GON4L: variants seen among roughly 807,000 people sequenced by gnomAD.
GON4L encodes GON-4-like protein.
Under a neutral mutation model 211.8 loss-of-function variants are expected in GON4L, and 87 were observed. The observed-to-expected ratio is 0.41, with a 90% CI of 0.35 to 0.49. GON4L has a LOEUF of 0.49. GON4L is among the 20% of genes least tolerant of loss of function. GON4L has a pLI of 0.15. For synonymous variants in GON4L, 875 were observed against 962.6 expected, an observed-to-expected ratio of 0.91 and a Z score of 1.68; for missense variants, 2,155 against 2,659.5, an observed-to-expected ratio of 0.81 and a Z score of 4.17.
chr1:155,756,903 T>G, intron 27 of GON4L, 55 bp downstream of exon 27: 1 of 1,384,246 alleles, frequency 7.2e-7, no homozygotes. Flanking sequence ...CACTCTAGTT[T>G]GGGTGACAGA....
rs552212271 is a variant in GON4L at position 155,750,800 on chromosome 1, G to C, written c.6577-67C>G. The stretch of plus-strand genomic sequence containing the variant: ...TGTTTTTGAGACGGAGTCTCTCTCT[G>C]TTGCTGAGACTGGAGTGCAGTGGCA... On this transcript the variant is annotated intron_variant, in intron 31 of 31. Transcript: ENST00000368331. 79 of 1,458,880 alleles carry C rather than the reference G, an allele frequency of 5.4e-5. 1 individual carries two copies. The highest frequency in any genetic ancestry group is 3.9e-4 in the African/African-American group (28 of 71,148). The allele number at this position is 1,458,880 out of a possible 1,614,324, so 90.4% of individuals were successfully genotyped here.
At chr1:155,843,040 G>GACCT (rs1670925333) in intron 2 of GON4L, among the ~76,000 whole-genome samples, 1 of 152,072 alleles carries the variant, frequency 6.6e-6, no homozygotes, top group Admixed American at 6.5e-5. Flanking sequence ...AGGACACCAT[G>GACCT]ACCTACACCT....
At position 155,797,952 on chromosome 1, in the gene GON4L, G is replaced by GT. The variant is rs1332971539; in HGVS notation, c.1646-2802dup. 2.0e-5 allele frequency among the ~76,000 whole-genome samples: 3 copies of GT among 151,460 alleles called. No homozygotes were observed. In the East Asian group the frequency reaches 5.8e-4, roughly 29 times the overall value. The stretch of plus-strand genomic sequence containing the variant: ...AAAAATTAGCCAAGTGTCGTGGTGT[G>GT]TGCCTATAGTCCCAGCTACTCAGAA... On this transcript the variant is annotated intron_variant, in intron 11 of 31. Transcript: ENST00000368331.
At chr1:155,801,892 A>C (rs1571795097) in intron 11 of GON4L, among the ~76,000 whole-genome samples, 1 of 151,980 alleles carries the variant, frequency 6.6e-6, no homozygotes, top group East Asian at 1.9e-4. Context: ...AAGAAAAAAA[A>C]AATAGAAATG....
upstream of GON4L, among the ~76,000 whole-genome samples, chr1:155,859,057 A>G (rs1283890868): frequency 6.6e-6 from 1 of 152,070 alleles, no homozygotes; most frequent in Non-Finnish European, 1.5e-5. Flanking sequence ...GTCTTTCATC[A>G]GAGTTTCTGA....
In GON4L at chr1:155,777,664, C is replaced by A; in HGVS notation, c.2049G>T (p.Leu683=). The A allele has an allele frequency of 2.5e-6, 4 of 1,613,906 alleles. No individual in the cohort carries two copies. The highest frequency in any genetic ancestry group is 3.4e-6 in the Non-Finnish European group (4 of 1,179,834). ...GGAGTCTCTTCCTCTGTGCTGGGTC[C>A]AGAATCAGAGTCTGATGAACTTTCT... ...QSEKVHQTLI[L]DPAQRKRLQQ... Residue 683 remains leucine, a synonymous_variant, in exon 15 of 32, where the codon CTG becomes CTT. Coordinates refer to ENST00000368331, the MANE Select transcript of GON4L (RefSeq NM_001282860.2).
intron 24 of GON4L, among the ~76,000 whole-genome samples, chr1:155,758,694 C>T (rs1232329301): frequency 1.3e-5 from 2 of 152,172 alleles, no homozygotes; most frequent in East Asian, 3.9e-4. Context: ...GCCTGACCAA[C>T]ATGGTGAAAC....
intron 2 of GON4L, among the ~76,000 whole-genome samples, chr1:155,834,761 G>A (rs1010113885): frequency 6.6e-6 from 1 of 152,194 alleles, no homozygotes; most frequent in African/African-American, 2.4e-5. Flanking sequence ...TTTAAAAGGG[G>A]AGGGACTCTC....
intron 12 of GON4L, among the ~76,000 whole-genome samples, chr1:155,786,247 AAGAC>A (rs1288067807): frequency 6.6e-6 from 1 of 152,222 alleles, no homozygotes; most frequent in Non-Finnish European, 1.5e-5. Flanking sequence ...TAAAAGGAAG[AAGAC>A]AGGAGAAAAT....
intron 2 of GON4L, among the ~76,000 whole-genome samples, chr1:155,829,320 G>T (rs1342273995): frequency 6.6e-6 from 1 of 151,986 alleles, no homozygotes; most frequent in Non-Finnish European, 1.5e-5. Flanking sequence ...TTGATGTTAT[G>T]ATCAGCCAGG....
chr1:155,754,610 A>C (rs1571615871), intron 27 of GON4L, 122 bp from the exon 28 acceptor site: 1 of 620,906 alleles, frequency 1.6e-6, no homozygotes, highest in Non-Finnish European at 2.8e-6. Flanking sequence ...GCTCACCGCA[A>C]CCTCTGCCTC....
intron 10 of GON4L, among the ~76,000 whole-genome samples, chr1:155,812,519 T>C (rs901338876): frequency 5.3e-5 from 8 of 151,904 alleles, no homozygotes; most frequent in Admixed American, 1.3e-4. Flanking sequence ...AAAACCAGAA[T>C]AAGCACTTTA....
chr1:155,806,154 A>ATTT (rs747278318), intron 10 of GON4L, among the ~76,000 whole-genome samples: 1 of 138,924 alleles, frequency 7.2e-6, no homozygotes, highest in Admixed American at 7.2e-5. Context: ...TGCTCGGCTA[A>ATTT]TTTTTTTTTT....
chr1:155,773,352 A>C, intron 17 of GON4L, 142 bp from the exon 18 acceptor site: 1 of 847,930 alleles, frequency 1.2e-6, no homozygotes, highest in Non-Finnish European at 1.8e-6. Flanking sequence ...ATCCCCCCAA[A>C]AGTTTCCAGT....
At chr1:155,780,041 C>T (rs1160827134) in intron 14 of GON4L, among the ~76,000 whole-genome samples, 1 of 151,926 alleles carries the variant, frequency 6.6e-6, no homozygotes, top group East Asian at 2.0e-4. Flanking sequence ...TAAAGTGATC[C>T]ACCTGCCTTG....
chr1:155,813,612 T>G (rs1364280491), intron 10 of GON4L, 22 bp downstream of exon 10: 1 of 1,570,106 alleles, frequency 6.4e-7, no homozygotes, highest in Non-Finnish European at 8.8e-7. Context: ...CTTTCTCAGT[T>G]AAGTACAGTT....
intron 20 of GON4L, 129 bp downstream of exon 20, chr1:155,767,296 G>GA (rs1662615607): frequency 3.1e-6 from 5 of 1,592,850 alleles, no homozygotes; most frequent in East Asian, 4.5e-5. Context: ...GAAGAAAGGT[G>GA]AATCAGGAAG....
At chr1:155,805,583 C>A (rs1316568370) in intron 10 of GON4L, among the ~76,000 whole-genome samples, 1 of 152,078 alleles carries the variant, frequency 6.6e-6, no homozygotes, top group Non-Finnish European at 1.5e-5. Flanking sequence ...GGATTTGTTT[C>A]TGCTGGACAT....
chr1:155,821,242 G>A (rs2102252358), intron 5 of GON4L, among the ~76,000 whole-genome samples: 1 of 151,742 alleles, frequency 6.6e-6, no homozygotes, highest in South Asian at 2.1e-4. Flanking sequence ...CTCCAGCCTG[G>A]GTGACAGAGT....
Sources: gnomAD v4.1 joint callset for allele counts (sites outside exome capture counted in the v4.1 genomes callset) on GRCh38, gnomAD v4.1.1 for gene constraint, MANE v1.5 for transcripts, NCBI Gene and HGNC (gene_info 2026-07-23, HGNC 2026-07-21) for gene names.